The following YWHAE variants were observed in gnomAD, a reference collection of about 807,000 sequenced individuals.
YWHAE encodes 14-3-3 protein epsilon.
In YWHAE, 4 loss-of-function variants were observed where a neutral mutation model predicts 30.1. The ratio of observed to expected loss-of-function variants is 0.13; its 90% CI spans 0.07 to 0.30. YWHAE has a LOEUF of 0.30. YWHAE is among the 10% of genes least tolerant of loss of function. The pLI is 1.00. For missense variants in YWHAE, 121 were observed against 315.9 expected, an observed-to-expected ratio of 0.38 and a Z score of 4.68; for synonymous variants, 118 against 111.8, an observed-to-expected ratio of 1.06 and a Z score of -0.35.
intron 1 of YWHAE, among the ~76,000 whole-genome samples, chr17:1,397,234 G>C (rs1020529374): frequency 1.1e-4 from 16 of 152,098 alleles, no homozygotes; most frequent in Non-Finnish European, 2.4e-4. Flanking sequence ...TTCATATACG[G>C]GACAGTAAGA....
intron 1 of YWHAE, among the ~76,000 whole-genome samples, chr17:1,365,891 C>G (rs528824224): frequency 6.6e-6 from 1 of 151,976 alleles, no homozygotes; most frequent in East Asian, 1.9e-4. Context: ...GAGAATCACT[C>G]GAGCTCAGGA....
chr17:1,355,830 G>T (rs1352505617), intron 4 of YWHAE, among the ~76,000 whole-genome samples: 1 of 152,102 alleles, frequency 6.6e-6, no homozygotes, highest in Non-Finnish European at 1.5e-5. Context: ...CTTGAGGCCA[G>T]GAGTTCAAGA....
intron 4 of YWHAE, among the ~76,000 whole-genome samples, chr17:1,356,169 AAAACACACACACAC>A (rs1248106704): frequency 5.3e-5 from 5 of 94,620 alleles, no homozygotes; most frequent in African/African-American, 1.7e-4. Context: ...ACTCCGTCTA[AAAACACACACACAC>A]ACACACACAC....
At chr17:1,359,752 A>T (rs1299734423) in intron 4 of YWHAE, among the ~76,000 whole-genome samples, 1 of 151,364 alleles carries the variant, frequency 6.6e-6, no homozygotes, top group Non-Finnish European at 1.5e-5. Flanking sequence ...GGGTGAAGAG[A>T]AAGTTTTCAA....
chr17:1,356,156 A>C (rs536860106), intron 4 of YWHAE, among the ~76,000 whole-genome samples: 2 of 148,444 alleles, frequency 1.3e-5, no homozygotes, highest in African/African-American at 4.9e-5. Flanking sequence ...GCAACAGAGC[A>C]AGACTCCGTC....
At chr17:1,386,721 A>G (rs58084667) in intron 1 of YWHAE, among the ~76,000 whole-genome samples, 11,476 of 152,264 alleles carry the variant, frequency 0.075, 492 homozygotes, top group African/African-American at 0.11. Flanking sequence ...AGGCCAAGGC[A>G]GGCGGATCAC....
chr17:1,396,836 G>A (rs959088662), intron 1 of YWHAE, among the ~76,000 whole-genome samples: 2 of 151,726 alleles, frequency 1.3e-5, no homozygotes, highest in Admixed American at 6.6e-5. Context: ...TGGTCAGGCT[G>A]GTCTCGAACT....
At chr17:1,370,344 G>C (rs1025120146) in intron 1 of YWHAE, among the ~76,000 whole-genome samples, 6 of 151,896 alleles carry the variant, frequency 4.0e-5, no homozygotes, top group African/African-American at 9.6e-5. Flanking sequence ...TGTTAGCCAG[G>C]ACGGTCTCGA....
intron 1 of YWHAE, among the ~76,000 whole-genome samples, chr17:1,385,658 G>A (rs1401991404): frequency 6.6e-6 from 1 of 152,158 alleles, no homozygotes; most frequent in Non-Finnish European, 1.5e-5. Flanking sequence ...AAGGAAGGAA[G>A]ACGGAGGATG....
chr17:1,382,106 T>C (rs568582528), intron 1 of YWHAE, among the ~76,000 whole-genome samples: 2 of 151,652 alleles, frequency 1.3e-5, no homozygotes, highest in South Asian at 4.2e-4. Flanking sequence ...TGGAGTGCAG[T>C]GGCGCAATCT....
At chr17:1,364,000 AG>A (rs1286125144) in intron 2 of YWHAE, among the ~76,000 whole-genome samples, 1 of 152,198 alleles carries the variant, frequency 6.6e-6, no homozygotes, top group African/African-American at 2.4e-5. Context: ...GACAATCAAA[AG>A]TATTTCTAGA....
At chr17:1,376,345 CAGAA>C (rs1164910992) in intron 1 of YWHAE, among the ~76,000 whole-genome samples, 5 of 150,842 alleles carry the variant, frequency 3.3e-5, no homozygotes, top group African/African-American at 4.9e-5. Context: ...GAAAGACAGA[CAGAA>C]AGACAAGAAA....
At chr17:1,381,339 A>C (rs1214956379) in intron 1 of YWHAE, among the ~76,000 whole-genome samples, 1 of 151,846 alleles carries the variant, frequency 6.6e-6, no homozygotes, top group Non-Finnish European at 1.5e-5. Flanking sequence ...ACATGGAGAA[A>C]CCCCGACTCT....
chr17:1,392,797 C>T (rs1334367902), intron 1 of YWHAE, among the ~76,000 whole-genome samples: 2 of 151,812 alleles, frequency 1.3e-5, no homozygotes, highest in Non-Finnish European at 2.9e-5. Context: ...CTGCAGTGAG[C>T]CAAGATCACG....
chr17:1,381,641 C>T (rs779916671), intron 1 of YWHAE, among the ~76,000 whole-genome samples: 9 of 151,780 alleles, frequency 5.9e-5, no homozygotes, highest in Non-Finnish European at 1.0e-4. Flanking sequence ...GAAGGCCGAG[C>T]GCAAAGGCTC....
chr17:1,356,777 G>A (rs1353868514), intron 4 of YWHAE, among the ~76,000 whole-genome samples: 1 of 149,702 alleles, frequency 6.7e-6, no homozygotes, highest in Non-Finnish European at 1.5e-5. Context: ...TGACCAAGAT[G>A]GTGAAAACCT....
chr17:1,358,071 A>G (rs974224006), intron 4 of YWHAE, among the ~76,000 whole-genome samples: 2 of 151,856 alleles, frequency 1.3e-5, no homozygotes, highest in African/African-American at 4.8e-5. Context: ...AACACTTAAC[A>G]AACGAAAAAA....
At chr17:1,393,483 T>A (rs1022474778) in intron 1 of YWHAE, among the ~76,000 whole-genome samples, 1 of 152,060 alleles carries the variant, frequency 6.6e-6, no homozygotes, top group African/African-American at 2.4e-5. Flanking sequence ...CAGACTGGAG[T>A]GCAATGGTGC....
intron 5 of YWHAE, among the ~76,000 whole-genome samples, chr17:1,349,216 C>T (rs1484275629): frequency 6.6e-6 from 1 of 151,990 alleles, no homozygotes; most frequent in African/African-American, 2.4e-5. Context: ...TGGTGGGCAC[C>T]TGTAGTCCCA....
Sources: gnomAD v4.1 joint callset for allele counts (sites outside exome capture counted in the v4.1 genomes callset) on GRCh38, gnomAD v4.1.1 for gene constraint, MANE v1.5 for transcripts, NCBI Gene and HGNC (gene_info 2026-07-23, HGNC 2026-07-21) for gene names.